SNTG1: variants seen among roughly 807,000 people sequenced by gnomAD.
SNTG1 encodes the protein gamma-1-syntrophin.
In SNTG1, 39 loss-of-function variants were observed where a neutral mutation model predicts 74.7. That is an observed-to-expected ratio of 0.52 (90% CI 0.40 to 0.68). SNTG1 has a LOEUF of 0.68. SNTG1 is among the 30% of genes least tolerant of loss of function. SNTG1 has a pLI of 0.00. For missense variants in SNTG1, 685 were observed against 609.5 expected (o/e 1.12, Z -1.30); for synonymous variants, 254 against 217.1 (o/e 1.17, Z -1.49).
At chr8:50,762,132 A>G (rs2095600708) in intron 18 of SNTG1, among the ~76,000 whole-genome samples, 1 of 152,112 alleles carries the variant, frequency 6.6e-6, no homozygotes, top group Non-Finnish European at 1.5e-5. Context: ...CCCCGTATTT[A>G]AATATACTCA....
chr8:50,410,872 C>G (rs1389459942), intron 4 of SNTG1, among the ~76,000 whole-genome samples: 1 of 152,162 alleles, frequency 6.6e-6, no homozygotes, highest in African/African-American at 2.4e-5. Flanking sequence ...TTATAGTCAA[C>G]TGTGTATATA....
At chr8:50,660,324 AAAG>A (rs2095212999) in intron 15 of SNTG1, among the ~76,000 whole-genome samples, 1 of 150,806 alleles carries the variant, frequency 6.6e-6, no homozygotes, top group Admixed American at 6.6e-5. Context: ...AGTAAGAAGG[AAAG>A]AAGAAAGAAA....
At chr8:50,691,180 G>T (rs1401155813) in intron 15 of SNTG1, among the ~76,000 whole-genome samples, 1 of 152,100 alleles carries the variant, frequency 6.6e-6, no homozygotes, top group Non-Finnish European at 1.5e-5. Flanking sequence ...ACAGCACATT[G>T]GTGGGTCTTG....
intron 1 of SNTG1, among the ~76,000 whole-genome samples, chr8:49,990,467 C>G (rs1813571412): frequency 6.6e-6 from 1 of 151,860 alleles, no homozygotes; most frequent in South Asian, 2.1e-4. Context: ...TCCAGAATAA[C>G]CAAAAAAATC....
intron 2 of SNTG1, among the ~76,000 whole-genome samples, chr8:50,217,560 G>A (rs1203687240): frequency 2.6e-5 from 4 of 152,014 alleles, no homozygotes; most frequent in Non-Finnish European, 5.9e-5. Context: ...AGTCGAGTGG[G>A]TGCACACAAG....
chr8:50,528,737 G>A (rs1024462639), intron 9 of SNTG1, among the ~76,000 whole-genome samples: 3 of 151,246 alleles, frequency 2.0e-5, no homozygotes, highest in African/African-American at 7.3e-5. Flanking sequence ...ACATCCGTTA[G>A]CTCTCAGTAA....
intron 5 of SNTG1, among the ~76,000 whole-genome samples, chr8:50,441,991 A>T (rs893801344): frequency 2.6e-5 from 4 of 152,220 alleles, no homozygotes; most frequent in African/African-American, 4.8e-5. Flanking sequence ...ATAAGAAAAA[A>T]AAAGCAAAAG....
Position 50,462,794 on chromosome 8 carries a change from CTCTTTT to C in SNTG1, c.363+12067_363+12072del, listed in dbSNP as rs2093576445. 1.2e-3 allele frequency among the ~76,000 whole-genome samples: 53 copies of C among 43,624 alleles called. 16 individuals carry two copies. Among genetic ancestry groups the C allele is most frequent in the Non-Finnish European group, 1.3e-3 (27 of 21,432 alleles). The allele number at this position is 43,624 out of a possible 152,430, so 28.6% of individuals were successfully genotyped here. ...AACTCAGTCGCATCTTCAGGTTCTA[CTCTTTT>C]TTTTTTTTTTTTTTTTTTTTTTTTT... On this transcript the variant is annotated intron_variant, in intron 8 of 18. Coordinates refer to ENST00000642720, the MANE Select transcript of SNTG1 (RefSeq NM_018967.5).
intron 4 of SNTG1, among the ~76,000 whole-genome samples, chr8:50,432,680 G>T (rs1228775116): frequency 6.6e-6 from 1 of 151,842 alleles, no homozygotes; most frequent in Non-Finnish European, 1.5e-5. Context: ...GAACATATTT[G>T]TTTTTTCTCT....
intron 2 of SNTG1, among the ~76,000 whole-genome samples, chr8:50,236,771 TTA>T (rs759024456): frequency 1.8e-4 from 28 of 152,034 alleles, no homozygotes; most frequent in Non-Finnish European, 3.7e-4. Context: ...AAACATATAT[TTA>T]TATATACAGA....
intron 2 of SNTG1, among the ~76,000 whole-genome samples, chr8:50,252,405 A>T (rs1307642514): frequency 6.6e-6 from 1 of 152,178 alleles, no homozygotes; most frequent in Non-Finnish European, 1.5e-5. Context: ...TCATAAGATC[A>T]ACTAAACAAA....
chr8:50,086,470 A>G (rs2131118271), intron 1 of SNTG1, among the ~76,000 whole-genome samples: 1 of 152,328 alleles, frequency 6.6e-6, no homozygotes, highest in Non-Finnish European at 1.5e-5. Context: ...GTAATAATCA[A>G]TTAGTGTTGC....
In SNTG1 at chr8:50,529,252, T is replaced by C. The variant is rs561261410; in HGVS notation, c.467-925T>C. Among the ~76,000 whole-genome samples the C allele has an allele frequency of 2.6e-5, 4 of 152,084 alleles. No individual in the cohort carries two copies. The East Asian group carries it at 7.7e-4, about 29-fold the overall frequency. On this transcript the variant is annotated intron_variant, in intron 9 of 18. Transcript: ENST00000642720. The stretch of plus-strand genomic sequence containing the variant: ...AACATAGTGTGATATTCTTACAGTT[T>C]AAAGATTAGAAAAATTATATCCAGA...
intron 1 of SNTG1, among the ~76,000 whole-genome samples, chr8:50,116,829 A>G (rs2080840677): frequency 6.6e-6 from 1 of 152,136 alleles, no homozygotes; most frequent in Non-Finnish European, 1.5e-5. Flanking sequence ...GCTCTATGCT[A>G]TTCACTCTGC....
intron 2 of SNTG1, among the ~76,000 whole-genome samples, chr8:50,327,723 CTTT>C (rs1448723581): frequency 3.3e-5 from 5 of 151,954 alleles, no homozygotes; most frequent in Non-Finnish European, 7.4e-5. Context: ...TGCCCTTCTT[CTTT>C]GTTTCATTTT....
At chr8:50,594,239 C>T (rs1379432751) in intron 13 of SNTG1, among the ~76,000 whole-genome samples, 1 of 152,076 alleles carries the variant, frequency 6.6e-6, no homozygotes, top group African/African-American at 2.4e-5. Flanking sequence ...TGTACCTAGA[C>T]CATTAGGTTA....
intron 15 of SNTG1, among the ~76,000 whole-genome samples, chr8:50,660,552 C>T (rs2095217434): frequency 6.6e-6 from 1 of 151,808 alleles, no homozygotes; most frequent in South Asian, 2.1e-4. Flanking sequence ...AGAAAACTGC[C>T]TCAACAAATC....
At chr8:50,437,004 A>G (rs2093310558) in intron 4 of SNTG1, among the ~76,000 whole-genome samples, 1 of 152,176 alleles carries the variant, frequency 6.6e-6, no homozygotes, top group African/African-American at 2.4e-5. Context: ...AGTATTTAAT[A>G]CAAATAGTTC....
intron 2 of SNTG1, among the ~76,000 whole-genome samples, chr8:50,265,943 C>G (rs1014286909): frequency 6.6e-6 from 1 of 151,456 alleles, no homozygotes; most frequent in African/African-American, 2.4e-5. Context: ...TTTTAAGAAA[C>G]CTAAATGAAT....
Sources: gnomAD v4.1 joint callset for allele counts (sites outside exome capture counted in the v4.1 genomes callset) on GRCh38, gnomAD v4.1.1 for gene constraint, MANE v1.5 for transcripts, NCBI Gene and HGNC (gene_info 2026-07-23, HGNC 2026-07-21) for gene names.